Variants in MMD2 observed in about 807,000 individuals in gnomAD.
MMD2 encodes the protein monocyte to macrophage differentiation factor 2.
MMD2 carries 30 observed loss-of-function variants against 33.5 expected under a neutral mutation model. That is an observed-to-expected ratio of 0.90 (90% CI 0.67 to 1.22). The LOEUF (loss-of-function observed/expected upper bound fraction) is 1.22, where lower values mean the gene tolerates loss of function less well. MMD2 is among the 50% of genes most tolerant of loss of function. MMD2 has a pLI of 0.00. For synonymous variants in MMD2, 129 were observed against 123.0 expected, an observed-to-expected ratio of 1.05 and a Z score of -0.32; for missense variants, 364 against 325.4, an observed-to-expected ratio of 1.12 and a Z score of -0.91.
rs114861588 is a variant in MMD2, at chr7:4,943,364, C to T, written c.47+15607G>A. On this transcript the variant is annotated intron_variant, in intron 1 of 6. Coordinates refer to ENST00000401401, the MANE Select transcript of MMD2 (RefSeq NM_198403.4). Reference sequence around the variant, plus strand: ...TTCACCATGTTGACGAGGATGATCTCGATCTCCCGACCTCGTGATCCACCT... The same window carrying T: ...TTCACCATGTTGACGAGGATGATCTTGATCTCCCGACCTCGTGATCCACCT... Among the ~76,000 whole-genome samples the T allele has an allele frequency of 7.5e-3, 1,135 of 152,076 alleles. 13 individuals are homozygous for T. Among genetic ancestry groups the T allele is most frequent in the African/African-American group, 0.026 (1,085 of 41,492 alleles).
chr7:4,925,864 A>G (rs1785411035), intron 1 of MMD2, among the ~76,000 whole-genome samples: 1 of 151,930 alleles, frequency 6.6e-6, no homozygotes, highest in African/African-American at 2.4e-5. Flanking sequence ...GACAGACTGG[A>G]GTGTAGTGGT....
In MMD2 at chr7:4,907,409, T is replaced by C. The variant is rs766555778; in HGVS notation, c.728A>G (p.Lys243Arg). The C allele has an allele frequency of 8.1e-6, 13 of 1,613,690 alleles. No homozygotes were observed. The South Asian group carries it at 1.3e-4, about 16-fold the overall frequency. Residue 243 changes from lysine to arginine, a missense_variant, in exon 7 of 7, where the codon AAG (lysine) becomes AGG (arginine). Coordinates refer to ENST00000401401, the MANE Select transcript of MMD2 (RefSeq NM_198403.4). ...GTCTGGGTCACCTCATTTGGACACC[T>C]TGGTCTGCAGGGTGCTGGGCAGATA... is the stretch of plus-strand genomic sequence containing the variant. ...YLYLPSTLQTKVSK is the reference protein window; with the variant it reads ...YLYLPSTLQTRVSK
At chr7:4,947,602 C>G (rs889710466) in intron 1 of MMD2, among the ~76,000 whole-genome samples, 2 of 150,776 alleles carry the variant, frequency 1.3e-5, no homozygotes, top group Non-Finnish European at 2.9e-5. Context: ...ACCATGTTAG[C>G]CAGGATGGTC....
intron 1 of MMD2, among the ~76,000 whole-genome samples, chr7:4,934,447 T>C (rs1194660252): frequency 6.6e-6 from 1 of 152,164 alleles, no homozygotes; most frequent in African/African-American, 2.4e-5. Flanking sequence ...AAATTGAGAC[T>C]GTGTTAGAAC....
chr7:4,928,600 G>C (rs1162047170), intron 1 of MMD2, among the ~76,000 whole-genome samples: 1 of 151,620 alleles, frequency 6.6e-6, no homozygotes, highest in East Asian at 2.0e-4. Context: ...AGTTCATGAA[G>C]CATTCATTGA....
chr7:4,938,002 C>CTTTTTTTTTTTTTTTT (rs1165504272), intron 1 of MMD2, among the ~76,000 whole-genome samples: 59 of 45,652 alleles, frequency 1.3e-3, no homozygotes, highest in Non-Finnish European at 1.4e-3. Flanking sequence ...TTCTTTCTTT[C>CTTTTTTTTTTTTTTTT]TTTTTTTTTT....
chr7:4,949,576 A>G (rs1195852555), intron 1 of MMD2, among the ~76,000 whole-genome samples: 1 of 151,702 alleles, frequency 6.6e-6, no homozygotes, highest in East Asian at 1.9e-4. Flanking sequence ...CAATGGTGCA[A>G]TCTCGGCTCA....
intron 3 of MMD2, among the ~76,000 whole-genome samples, chr7:4,918,425 G>C (rs1025759898): frequency 3.3e-5 from 5 of 151,610 alleles, no homozygotes; most frequent in African/African-American, 1.2e-4. Flanking sequence ...TGAGTTGAAT[G>C]TGGCTGCTAT....
chr7:4,907,696 C>A (rs1257310191), intron 6 of MMD2, 97 bp from the exon 7 acceptor site: 18 of 1,240,688 alleles, frequency 1.5e-5, no homozygotes, highest in Non-Finnish European at 2.0e-5. Flanking sequence ...AAAAGACATG[C>A]AGATGGCAAA....
chr7:4,926,867 C>T (rs1785443275), intron 1 of MMD2, among the ~76,000 whole-genome samples: 1 of 152,040 alleles, frequency 6.6e-6, no homozygotes, highest in African/African-American at 2.4e-5. Context: ...GCCTCAGCCT[C>T]CTGAGTAGCT....
chr7:4,909,969 G>A lies in MMD2; in HGVS notation c.468-19C>T, dbSNP rs529683726. 20 of 1,613,948 alleles carry A rather than the reference G, an allele frequency of 1.2e-5. No homozygotes were observed. The highest frequency in any genetic ancestry group is 8.8e-5 in the South Asian group (8 of 91,086). ...CTTGTACCTGGCAGGAAGACAAGCC[G>A]TGCCGGCCTTAGGACATGCCTCCCC... On this transcript the variant is annotated intron_variant, in intron 5 of 6. Transcript: ENST00000401401.
rs377307083 is a variant in MMD2 at position 4,937,447 on chromosome 7, A to G, written c.48-11915T>C. On this transcript the variant is annotated intron_variant, in intron 1 of 6. Coordinates refer to ENST00000401401, the MANE Select transcript of MMD2 (RefSeq NM_198403.4). The stretch of plus-strand genomic sequence containing the variant: ...AAGAAAGAGAAAGAAAGAAAGGAAG[A>G]AAGGAAGGAAGGAAGAAAGAAAGGG... 6.6e-5 allele frequency among the ~76,000 whole-genome samples: 10 copies of G among 151,846 alleles called. No homozygotes were observed. The East Asian group carries it at 1.2e-3, about 18-fold the overall frequency.
chr7:4,936,472 T>C (rs543471034), intron 1 of MMD2, among the ~76,000 whole-genome samples: 46 of 152,294 alleles, frequency 3.0e-4, no homozygotes, highest in African/African-American at 1.1e-3. Flanking sequence ...AAAGAGTCTT[T>C]CATTTGATTT....
intron 1 of MMD2, among the ~76,000 whole-genome samples, chr7:4,949,664 A>T (rs1289819118): frequency 6.6e-6 from 1 of 151,944 alleles, no homozygotes; most frequent in Non-Finnish European, 1.5e-5. Context: ...GGCACCCGCC[A>T]CCACACCTGG....
the MMD2 span, among the ~76,000 whole-genome samples, chr7:4,899,271 G>C: frequency 3.9e-5 from 6 of 152,124 alleles, no homozygotes; most frequent in East Asian, 1.2e-3. Context: ...ATGGTATTTT[G>C]TTATAGCAGC....
chr7:4,895,442 G>A, the MMD2 span, among the ~76,000 whole-genome samples: 1 of 152,214 alleles, frequency 6.6e-6, no homozygotes, highest in Admixed American at 6.5e-5. Context: ...ATTTGGCGGG[G>A]TTGCGGTGTG....
At chr7:4,901,623 G>A (rs148163872), downstream of MMD2, among the ~76,000 whole-genome samples, 133 of 152,318 alleles carry the variant, frequency 8.7e-4, no homozygotes, top group African/African-American at 3.0e-3. Flanking sequence ...GGTCAGGTTC[G>A]ACTGGCACCA....
chr7:4,955,370 C>T (rs577217346), intron 1 of MMD2, among the ~76,000 whole-genome samples: 2 of 152,176 alleles, frequency 1.3e-5, no homozygotes, highest in Non-Finnish European at 2.9e-5. Flanking sequence ...TGGCCTACCA[C>T]CCGCTGAGAA....
At chr7:4,925,981 T>A (rs929994330) in intron 1 of MMD2, among the ~76,000 whole-genome samples, 1 of 152,024 alleles carries the variant, frequency 6.6e-6, no homozygotes, top group African/African-American at 2.4e-5. Flanking sequence ...AATTCTTGTA[T>A]TTTTAGTAGA....
Sources: gnomAD v4.1 joint callset for allele counts (sites outside exome capture counted in the v4.1 genomes callset) on GRCh38, gnomAD v4.1.1 for gene constraint, MANE v1.5 for transcripts, NCBI Gene and HGNC (gene_info 2026-07-23, HGNC 2026-07-21) for gene names.